Variants in FOXN3 observed in about 807,000 individuals in gnomAD.
FOXN3 encodes the protein forkhead box N3.
A neutral mutation model predicts 38.4 loss-of-function variants in FOXN3; 7 were observed. The observed-to-expected ratio is 0.18, with a 90% CI of 0.10 to 0.34. The LOEUF is 0.34. Among genes scored for constraint, FOXN3 ranks in the 10% least tolerant of loss-of-function variants. FOXN3 has a pLI of 1.00. For synonymous variants in FOXN3, 230 were observed against 242.2 expected (o/e 0.95, Z 0.47); for missense variants, 456 against 613.4 (o/e 0.74, Z 2.71).
chr14:89,381,475 T>C (rs892530396), intron 2 of FOXN3, among the ~76,000 whole-genome samples: 6 of 141,256 alleles, frequency 4.2e-5, no homozygotes, highest in Admixed American at 7.7e-5. Context: ...CCATGTAAAG[T>C]GTGCTGCCAA....
intron 2 of FOXN3, among the ~76,000 whole-genome samples, chr14:89,375,872 C>T (rs748802494): frequency 3.3e-5 from 5 of 152,138 alleles, no homozygotes; most frequent in African/African-American, 7.2e-5. Flanking sequence ...CCCCAGCCCC[C>T]CAGATTCAAG....
At chr14:89,311,114 A>T (rs1233552630) in intron 3 of FOXN3, among the ~76,000 whole-genome samples, 2 of 151,010 alleles carry the variant, frequency 1.3e-5, no homozygotes, top group Non-Finnish European at 2.9e-5. Context: ...CTAAAAAAAA[A>T]AAAAAAACCT....
chr14:89,408,494 T>A lies in FOXN3; in HGVS notation c.543+3440A>T, dbSNP rs1216573633. Among the ~76,000 whole-genome samples, 4 of 151,138 alleles carry A rather than the reference T, an allele frequency of 2.6e-5. No individual in the cohort carries two copies. In the East Asian group the frequency reaches 7.8e-4, roughly 29 times the overall value. On this transcript the variant is annotated intron_variant, in intron 2 of 5. Transcript: ENST00000557258. ...GTCTCAAACTCCTGCACTCAAGCAA[T>A]CCTCCCGCCTTGGCCTCCCAAAGTG...
At chr14:89,450,263 A>G (rs1892588736) in intron 1 of FOXN3, among the ~76,000 whole-genome samples, 1 of 152,180 alleles carries the variant, frequency 6.6e-6, no homozygotes, top group African/African-American at 2.4e-5. Flanking sequence ...CTATTAAGAC[A>G]CCAATCATTG....
intron 2 of FOXN3, among the ~76,000 whole-genome samples, chr14:89,391,046 C>T (rs1208813528): frequency 1.3e-5 from 2 of 152,106 alleles, no homozygotes; most frequent in African/African-American, 4.8e-5. Flanking sequence ...TGAAGAGGAC[C>T]GGCATACAGA....
chr14:89,506,044 G>C (rs1377223375), intron 1 of FOXN3, among the ~76,000 whole-genome samples: 1 of 146,328 alleles, frequency 6.8e-6, no homozygotes, highest in Non-Finnish European at 1.5e-5. Flanking sequence ...CCCCGGCCCG[G>C]CCAGCCGCCC....
chr14:89,291,161 G>C, intron 3 of FOXN3: 1 of 492,004 alleles, frequency 2.0e-6, no homozygotes. Context: ...AAGTACCCAA[G>C]TTGGGGGGCA....
rs181432106 is a variant in FOXN3, at chr14:89,579,385, G to A, written c.-15+39643C>T. On this transcript the variant is annotated intron_variant, in intron 1 of 6. Transcript: ENST00000345097. ...TGCCCAGGCTGGCCTCAAACTCCTG[G>A]CCTCAAGTGATCCTCCTGCCTCAGT... 2.3e-3 allele frequency among the ~76,000 whole-genome samples: 353 copies of A among 151,718 alleles called. 3 individuals are homozygous for A. Among genetic ancestry groups the A allele is most frequent in the African/African-American group, 8.2e-3 (337 of 41,340 alleles).
Position 89,164,608 on chromosome 14 carries a change from C to T in FOXN3, c.852-1639G>A, listed in dbSNP as rs997177. 2.0e-5 allele frequency among the ~76,000 whole-genome samples: 3 copies of T among 152,102 alleles called. No homozygotes were observed. The highest frequency in any genetic ancestry group is 4.1e-4 in the South Asian group (2 of 4,820). ...CCCAGTGGCTATCGCCGTGTCAGCA[C>T]GGTGGACACAGCAGATAAACTGAGG... On this transcript the variant is annotated intron_variant, in intron 5 of 5. Transcript: ENST00000557258. This position sits in a 1 kb window ranked among gnomAD's most constrained non-coding sequence, Gnocchi z 4.3.
intron 5 of FOXN3, among the ~76,000 whole-genome samples, chr14:89,175,029 C>T (rs1887485429): frequency 6.6e-6 from 1 of 152,216 alleles, no homozygotes; most frequent in Admixed American, 6.5e-5. Flanking sequence ...TTGCCACCTT[C>T]CTACACTACT....
chr14:89,359,680 G>A (rs1031702550), intron 2 of FOXN3, among the ~76,000 whole-genome samples: 10 of 152,184 alleles, frequency 6.6e-5, no homozygotes, highest in Admixed American at 6.5e-5. Context: ...TGCTCCGGCC[G>A]GTATGGCAGT....
At chr14:89,560,657 C>T (rs555510837) in intron 1 of FOXN3, among the ~76,000 whole-genome samples, 2 of 152,332 alleles carry the variant, frequency 1.3e-5, no homozygotes, top group African/African-American at 2.4e-5. Flanking sequence ...CATAACCCAG[C>T]AACTATTACC....
chr14:89,445,766 C>T (rs1417823700), intron 1 of FOXN3, among the ~76,000 whole-genome samples: 10 of 152,078 alleles, frequency 6.6e-5, no homozygotes, highest in Non-Finnish European at 2.9e-5. Flanking sequence ...TCCTCTGACT[C>T]ATTCAAAGTC....
intron 1 of FOXN3, among the ~76,000 whole-genome samples, chr14:89,432,048 G>C (rs899597037): frequency 1.3e-5 from 2 of 152,154 alleles, no homozygotes; most frequent in African/African-American, 4.8e-5. Context: ...AACAATATGT[G>C]ATGTAAAAAC....
chr14:89,369,996 T>A (rs575551367), intron 2 of FOXN3, among the ~76,000 whole-genome samples: 1 of 152,228 alleles, frequency 6.6e-6, no homozygotes, highest in Non-Finnish European at 1.5e-5. Flanking sequence ...AAATCACAAA[T>A]AATTTTGGAT....
At chr14:89,288,243 C>T (rs12433763) in intron 3 of FOXN3, among the ~76,000 whole-genome samples, 1,909 of 152,160 alleles carry the variant, frequency 0.013, 40 homozygotes, top group African/African-American at 0.044. Flanking sequence ...GGCCCACCAA[C>T]ACTATAACTG....
At chr14:89,165,645 G>T (rs1566919038) in intron 5 of FOXN3, among the ~76,000 whole-genome samples, 1 of 152,126 alleles carries the variant, frequency 6.6e-6, no homozygotes, top group Non-Finnish European at 1.5e-5. Flanking sequence ...AAGATGGCTG[G>T]GATAAGATTA....
chr14:89,160,253 C>T lies in FOXN3; in HGVS notation c.*2161G>A, dbSNP rs1240471273. 2.4e-5 allele frequency: 3 copies of T among 124,506 alleles called. No homozygotes were observed. Among genetic ancestry groups the T allele is most frequent in the Non-Finnish European group, 4.8e-5 (3 of 62,614 alleles). The allele number at this position is 124,506 out of a possible 1,614,324, so 7.7% of individuals were successfully genotyped here. ...CCGCCATTAAAGAAAATTTCTTAGG[C>T]AAAGGTAACAACAGGAGTTTCTGGG... On this transcript the variant is annotated 3_prime_UTR_variant, in exon 6 of 6. Coordinates refer to ENST00000557258, the MANE Select transcript of FOXN3 (RefSeq NM_005197.4).
At chr14:89,433,737 A>G (rs1596271571) in intron 1 of FOXN3, among the ~76,000 whole-genome samples, 1 of 151,122 alleles carries the variant, frequency 6.6e-6, no homozygotes, top group Non-Finnish European at 1.5e-5. Flanking sequence ...CCAGGAGGCA[A>G]GGTGGCGGAG....
Sources: allele counts gnomAD v4.1 joint callset (sites outside exome capture counted in the v4.1 genomes callset), GRCh38; gene constraint gnomAD v4.1.1; non-coding constraint Gnocchi (gnomAD v3.1); transcripts MANE v1.5; gene names NCBI Gene and HGNC (gene_info 2026-07-23, HGNC 2026-07-21).